Variants in HS6ST3 observed in about 807,000 individuals in gnomAD.
HS6ST3 encodes heparan sulfate 6-O-sulfotransferase 3, also known as heparan-sulfate 6-O-sulfotransferase 3.
Under a neutral mutation model 36.7 loss-of-function variants are expected in HS6ST3, and 12 were observed. The ratio of observed to expected loss-of-function variants is 0.33; its 90% CI spans 0.21 to 0.53. The LOEUF (loss-of-function observed/expected upper bound fraction) is 0.53. Ranked by LOEUF, HS6ST3 falls within the 20% of genes least tolerant of loss-of-function variation. The pLI is 0.95. For synonymous variants in HS6ST3, 240 were observed against 257.5 expected (o/e 0.93, Z 0.65); for missense variants, 584 against 640.9 (o/e 0.91, Z 0.96).
intron 1 of HS6ST3, among the ~76,000 whole-genome samples, chr13:96,408,027 G>A (rs1258758346): frequency 1.3e-5 from 2 of 152,018 alleles, no homozygotes; most frequent in African/African-American, 4.8e-5. Context: ...TGCAACCTCC[G>A]CCCCTGGGTT....
chr13:96,233,910 A>T (rs1306635413), intron 1 of HS6ST3, among the ~76,000 whole-genome samples: 1 of 152,134 alleles, frequency 6.6e-6, no homozygotes, highest in African/African-American at 2.4e-5. Context: ...TTACAGCAGG[A>T]AATAATTTGC....
chr13:96,659,048 G>A (rs560325502), intron 1 of HS6ST3, among the ~76,000 whole-genome samples: 1 of 152,258 alleles, frequency 6.6e-6, no homozygotes, highest in South Asian at 2.1e-4. Flanking sequence ...TAGCAGTGTT[G>A]ATTGCTGTAT....
chr13:96,205,097 TAAAGAAGAA>T (rs1315705827), intron 1 of HS6ST3, among the ~76,000 whole-genome samples: 1 of 118,900 alleles, frequency 8.4e-6, no homozygotes, highest in Non-Finnish European at 2.0e-5. Flanking sequence ...GCTAGACTAA[TAAAGAAGAA>T]AAGAAGAATC....
chr13:96,422,849 A>G (rs2055568396), intron 1 of HS6ST3, among the ~76,000 whole-genome samples: 1 of 152,216 alleles, frequency 6.6e-6, no homozygotes, highest in Non-Finnish European at 1.5e-5. Flanking sequence ...TTACTTTTAA[A>G]ATAAGTTTTC....
chr13:96,368,717 C>A (rs2055275491), intron 1 of HS6ST3, among the ~76,000 whole-genome samples: 1 of 151,864 alleles, frequency 6.6e-6, no homozygotes. Context: ...TTTCCTCTTT[C>A]TTTTGTTTTT....
chr13:96,347,726 C>T (rs2055162442), intron 1 of HS6ST3, among the ~76,000 whole-genome samples: 1 of 152,168 alleles, frequency 6.6e-6, no homozygotes, highest in Non-Finnish European at 1.5e-5. Flanking sequence ...CCACTCTATC[C>T]TCAGCTCCCT....
chr13:96,609,306 T>C (rs1566410356), intron 1 of HS6ST3, among the ~76,000 whole-genome samples: 1 of 152,188 alleles, frequency 6.6e-6, no homozygotes, highest in Non-Finnish European at 1.5e-5. Flanking sequence ...TTAAAATTTC[T>C]GTTTGGTAGA....
chr13:96,221,728 A>G (rs2054456506), intron 1 of HS6ST3, among the ~76,000 whole-genome samples: 1 of 152,176 alleles, frequency 6.6e-6, no homozygotes. Context: ...GAACAAGGCT[A>G]TTGACACATA....
chr13:96,451,375 G>C (rs2139485807), intron 1 of HS6ST3, among the ~76,000 whole-genome samples: 1 of 152,198 alleles, frequency 6.6e-6, no homozygotes, highest in African/African-American at 2.4e-5. Flanking sequence ...GTAGTCTAAA[G>C]GTTAAGGCAT....
chr13:96,668,488 C>T lies in HS6ST3; in HGVS notation c.708-164002C>T, dbSNP rs556454182. Among the ~76,000 whole-genome samples the T allele has an allele frequency of 4.6e-5, 7 of 152,136 alleles. No homozygotes were observed. In the South Asian group the frequency reaches 1.5e-3, roughly 32 times the overall value. On this transcript the variant is annotated intron_variant, in intron 1 of 1. Transcript: ENST00000376705. The stretch of plus-strand genomic sequence containing the variant: ...GACCTGCTGGCTCACCTGCCCATAC[C>T]CTGTGAGGCAGCTCCCTTCTGCTGA...
rs1200086463 is a variant in HS6ST3 at position 96,477,645 on chromosome 13, G to A, written c.708-354845G>A. On this transcript the variant is annotated intron_variant, in intron 1 of 1. Coordinates refer to ENST00000376705, the MANE Select transcript of HS6ST3 (RefSeq NM_153456.4). ...AGCACTTTGGAAGGCCAAGGCAGGC[G>A]CATCACTTGAGGTCAGGAGTTCAAG... Among the ~76,000 whole-genome samples, 6 of 152,216 alleles carry A rather than the reference G, an allele frequency of 3.9e-5. No homozygotes were observed. In the South Asian group the frequency reaches 1.0e-3, roughly 26 times the overall value.
At chr13:96,683,281 T>C (rs1355946741) in intron 1 of HS6ST3, among the ~76,000 whole-genome samples, 1 of 152,084 alleles carries the variant, frequency 6.6e-6, no homozygotes, top group Non-Finnish European at 1.5e-5. Flanking sequence ...AGGAATCTAA[T>C]CTCATTAGAA....
chr13:96,287,408 T>C (rs1175695568), intron 1 of HS6ST3, among the ~76,000 whole-genome samples: 2 of 152,158 alleles, frequency 1.3e-5, no homozygotes, highest in African/African-American at 4.8e-5. Flanking sequence ...TTAGAGCTAT[T>C]TTAAGATATT....
chr13:96,222,228 A>T (rs2054459194), intron 1 of HS6ST3, among the ~76,000 whole-genome samples: 1 of 152,206 alleles, frequency 6.6e-6, no homozygotes, highest in Non-Finnish European at 1.5e-5. Context: ...GAATAAATTG[A>T]TTTTATTTCT....
At chr13:96,603,803 T>A (rs1300563920) in intron 1 of HS6ST3, among the ~76,000 whole-genome samples, 1 of 152,236 alleles carries the variant, frequency 6.6e-6, no homozygotes, top group African/African-American at 2.4e-5. Flanking sequence ...ATTTAATGTA[T>A]GCTTGGCATA....
chr13:96,598,949 C>A (rs2056411833), intron 1 of HS6ST3, among the ~76,000 whole-genome samples: 1 of 151,908 alleles, frequency 6.6e-6, no homozygotes, highest in Admixed American at 6.6e-5. Context: ...TGGTTTTAAT[C>A]CTGTTTATGT....
At position 96,559,723 on chromosome 13, in the gene HS6ST3, C is replaced by A. The variant is rs139889240; in HGVS notation, c.708-272767C>A. On this transcript the variant is annotated intron_variant, in intron 1 of 1. Coordinates refer to ENST00000376705, the MANE Select transcript of HS6ST3 (RefSeq NM_153456.4). ...TAAACACATTACACTGCAGATTATT[C>A]TTTTTTTTTTTTCTTAATGGAGCTG... is the stretch of plus-strand genomic sequence containing the variant. Among the ~76,000 whole-genome samples, 362 of 146,646 alleles carry A rather than the reference C, an allele frequency of 2.5e-3. 2 individuals carry two copies. Among genetic ancestry groups the A allele is most frequent in the Non-Finnish European group, 3.9e-3 (259 of 66,140 alleles).
intron 1 of HS6ST3, among the ~76,000 whole-genome samples, chr13:96,384,314 A>G (rs1345986294): frequency 1.3e-5 from 2 of 151,974 alleles, no homozygotes; most frequent in Non-Finnish European, 2.9e-5. Context: ...TTTAATTTGA[A>G]AATGATAGTA....
At chr13:96,679,109 AC>A (rs1231478653) in intron 1 of HS6ST3, among the ~76,000 whole-genome samples, 1 of 141,282 alleles carries the variant, frequency 7.1e-6, no homozygotes, top group Non-Finnish European at 1.5e-5. Flanking sequence ...GCGTCACCAC[AC>A]CCTCCCCTAT....
Sources: allele counts gnomAD v4.1 joint callset (sites outside exome capture counted in the v4.1 genomes callset), GRCh38; gene constraint gnomAD v4.1.1; transcripts MANE v1.5; gene names NCBI Gene and HGNC (gene_info 2026-07-23, HGNC 2026-07-21).